The following MAP7D3 variants were observed in gnomAD, a reference collection of about 807,000 sequenced individuals.
MAP7D3 encodes the protein MAP7 domain-containing protein 3.
MAP7D3 carries 45 observed loss-of-function variants against 62.2 expected under a neutral mutation model. The ratio of observed to expected loss-of-function variants is 0.72; its 90% confidence interval spans 0.57 to 0.93. The LOEUF is 0.93. Ranked by LOEUF, MAP7D3 falls within the 40% of genes least tolerant of loss-of-function variation. The probability of loss-of-function intolerance (pLI) is 0.00; values close to 1 mark genes in which losing one functional copy is unlikely to be tolerated. For synonymous variants in MAP7D3, 288 were observed against 248.8 expected, an observed-to-expected ratio of 1.16 and a Z score of -1.48; for missense variants, 711 against 683.1, an observed-to-expected ratio of 1.04 and a Z score of -0.45.
intron 18 of MAP7D3, 45 bp downstream of exon 18, chrX:136,219,353 G>A: frequency 1.2e-6 from 1 of 807,431 alleles, no homozygotes; most frequent in East Asian, 3.1e-5. Context: ...GCGGGTTCAG[G>A]GTCAATTGCC....
At chrX:136,242,229 C>A (rs1357032485) in intron 4 of MAP7D3, among the ~76,000 whole-genome samples, 4 of 112,381 alleles carry the variant, frequency 3.6e-5, no homozygotes, top group Non-Finnish European at 7.5e-5. Context: ...GGCAGTTGTT[C>A]TGAATTACTT....
chrX:136,233,758 T>C (rs986363952), intron 7 of MAP7D3, among the ~76,000 whole-genome samples: 5 of 109,931 alleles, frequency 4.5e-5, no homozygotes, highest in Non-Finnish European at 9.5e-5. Flanking sequence ...AGACTACTTA[T>C]GAATAAAGCT....
chrX:136,232,143 C>A lies in MAP7D3; in HGVS notation c.814G>T (p.Val272Phe). The change falls in exon 8 of 19, where the codon GTT becomes TTT. Residue 272 changes from valine (V) to phenylalanine (F), a missense_variant. Val to Phe is a conservative substitution (Grantham distance 50). Coordinates refer to ENST00000316077, the MANE Select transcript of MAP7D3 (RefSeq NM_024597.4). ...TTCATTGTCGACATGGGAAACATAA[C>A]AGCCCTCAATTCGTCGCTAGTACAT... ...RKCTSDELRA[V>F]MFPMSTMKIP... The A allele has an allele frequency of 1.7e-6, 2 of 1,207,603 alleles. No individual in the cohort carries two copies. Among genetic ancestry groups the A allele is most frequent in the Non-Finnish European group, 2.2e-6 (2 of 891,524 alleles).
At chrX:136,240,184 G>A (rs1416913068) in intron 6 of MAP7D3, among the ~76,000 whole-genome samples, 198 bp downstream of exon 6, 2 of 99,889 alleles carry the variant, frequency 2.0e-5, no homozygotes, top group African/African-American at 7.3e-5. Context: ...ACTCCAGTAT[G>A]GGCAACAGAG....
At chrX:136,229,953 T>G (rs1480050734) in intron 10 of MAP7D3, among the ~76,000 whole-genome samples, 3 of 53,563 alleles carry the variant, frequency 5.6e-5, no homozygotes, top group Admixed American at 2.9e-4. Context: ...TAATTTTTTT[T>G]TTTGTGTGTG....
chrX:136,225,342 G>C (rs1207052736), intron 13 of MAP7D3, among the ~76,000 whole-genome samples: 1 of 111,631 alleles, frequency 9.0e-6, no homozygotes, highest in Non-Finnish European at 1.9e-5. Context: ...TTCTAGGGAA[G>C]GACAGGAATT....
At chrX:136,238,163 G>A (rs1044653663) in intron 6 of MAP7D3, among the ~76,000 whole-genome samples, 13 of 111,207 alleles carry the variant, frequency 1.2e-4, no homozygotes, top group Admixed American at 9.6e-4. Context: ...CTTTGCTATT[G>A]TGAATAGTGC....
In MAP7D3 at chrX:136,231,598, G is replaced by A; in HGVS notation, c.1359C>T (p.Ser453=). 1 of 1,210,480 alleles carries A rather than the reference G, an allele frequency of 8.3e-7. No homozygotes were observed. The highest frequency in any genetic ancestry group is 1.1e-6 in the Non-Finnish European group (1 of 894,996). Reference sequence around the variant, plus strand: ...GAGATGCTTCCATGCTTGCTTCAAGGGATGTCTTGGGGGATGCTTTCACCA... The same window carrying A: ...GAGATGCTTCCATGCTTGCTTCAAGAGATGTCTTGGGGGATGCTTTCACCA... ...EAMVKASPKT[S]LEASMEASPK... The change falls in exon 8 of 19, where the codon TCC becomes TCT. Residue 453 remains serine (S), a synonymous_variant. Coordinates refer to ENST00000316077, the MANE Select transcript of MAP7D3 (RefSeq NM_024597.4).
At chrX:136,252,602 G>A (rs1222724939), upstream of MAP7D3, among the ~76,000 whole-genome samples, 1 of 96,773 alleles carries the variant, frequency 1.0e-5, no homozygotes, top group Non-Finnish European at 2.0e-5. Context: ...GCTTGAACCC[G>A]GGAGGTGGAG....
At chrX:136,245,203 G>C (rs190893067) in intron 3 of MAP7D3, among the ~76,000 whole-genome samples, 1 of 111,933 alleles carries the variant, frequency 8.9e-6, no homozygotes, top group African/African-American at 3.2e-5. Flanking sequence ...CTTCTACTAG[G>C]AAACTTCTTT....
intron 1 of MAP7D3, among the ~76,000 whole-genome samples, chrX:136,251,022 G>C (rs1045463906): frequency 3.6e-5 from 4 of 112,327 alleles, no homozygotes; most frequent in Non-Finnish European, 7.6e-5. Flanking sequence ...CGTCCGCGGG[G>C]CTCAGACCGT....
At chrX:136,233,635 TAAAAAAAAAAAAAA>T (rs151267120) in intron 7 of MAP7D3, among the ~76,000 whole-genome samples, 4 of 30,588 alleles carry the variant, frequency 1.3e-4, no homozygotes, top group African/African-American at 4.1e-4. Flanking sequence ...TAAATTAAAC[TAAAAAAAAAAAAAA>T]AAAAAAAAAA....
rs756043564 is a variant in MAP7D3, at chrX:136,232,035, G to A, written c.922C>T (p.Gln308Ter). The A allele has an allele frequency of 2.1e-5, 25 of 1,204,280 alleles. No homozygotes were observed. Among genetic ancestry groups the A allele is most frequent in the Admixed American group, 6.6e-5 (3 of 45,650 alleles). Residue 308 changes from glutamine (Q) to a stop codon, truncating the protein, a stop_gained, in exon 8 of 19, where the codon CAG (glutamine) becomes TAG (stop). Coordinates refer to ENST00000316077, the MANE Select transcript of MAP7D3 (RefSeq NM_024597.4). LOFTEE classifies it high-confidence loss of function. ...TTGCAGAATACTTCCACATTCACCT[G>A]GGGGGGTGCATCCACACTTGCCTTG... ...PPKASVDAPPQVNVEVFCNTS... is the reference protein window; with the variant it reads ...PPKASVDAPP
chrX:136,219,782 A>G (rs1305581393), intron 16 of MAP7D3, 111 bp from the exon 17 acceptor site: 1 of 617,292 alleles, frequency 1.6e-6, no homozygotes, highest in Non-Finnish European at 2.8e-6. Context: ...GAATTAAAAA[A>G]CATTTCAGAA....
At chrX:136,224,052 CA>C (rs59789059) in intron 14 of MAP7D3, among the ~76,000 whole-genome samples, 704 of 10,666 alleles carry the variant, frequency 0.066, no homozygotes, top group African/African-American at 0.18. Context: ...ACTCTTATCT[CA>C]AAAAAAAAAA....
Position 136,220,890 on chromosome X carries a change from C to T in MAP7D3, c.2361G>A (p.Lys787=). ...PFNNAKKMTH[K]LVFLEDGTSQ... is the part of the protein sequence containing the mutation. The stretch of plus-strand genomic sequence containing the variant: ...TGGTACCATCTTCTAGAAATACCAG[C>T]TTGTGTGTCATTTTCTTGGCATTGT... The change falls in exon 16 of 19, where the codon AAG becomes AAA. Residue 787 remains lysine, a synonymous_variant. Transcript: ENST00000316077. 1 of 1,207,065 alleles carries T rather than the reference C, an allele frequency of 8.3e-7. No individual in the cohort carries two copies. The highest frequency in any genetic ancestry group is 1.8e-5 in the South Asian group (1 of 56,856).
At chrX:136,225,128 ATC>A (rs1467203564) in intron 13 of MAP7D3, among the ~76,000 whole-genome samples, 4 of 112,531 alleles carry the variant, frequency 3.6e-5, no homozygotes, top group African/African-American at 1.3e-4. Flanking sequence ...AAATGACAAC[ATC>A]TCACTCCTAA....
chrX:136,255,580 A>T (rs1014824309), upstream of MAP7D3, among the ~76,000 whole-genome samples: 5 of 111,137 alleles, frequency 4.5e-5, no homozygotes, highest in African/African-American at 1.6e-4. Context: ...GTCCCTTTAG[A>T]TGTTTCCTTG....
chrX:136,229,998 T>A (rs2074247300), intron 10 of MAP7D3, among the ~76,000 whole-genome samples: 2 of 92,109 alleles, frequency 2.2e-5, no homozygotes, highest in African/African-American at 8.3e-5. Flanking sequence ...TATATATTTT[T>A]TTTTTTTTTG....
Sources: allele counts gnomAD v4.1 joint callset (sites outside exome capture counted in the v4.1 genomes callset), GRCh38; gene constraint gnomAD v4.1.1; transcripts MANE v1.5; gene names NCBI Gene and HGNC (gene_info 2026-07-23, HGNC 2026-07-21).